DAB1: variants seen among roughly 807,000 people sequenced by gnomAD.
DAB1 encodes the protein disabled homolog 1.
Under a neutral mutation model 64.6 loss-of-function variants are expected in DAB1, and 15 were observed. The ratio of observed to expected loss-of-function variants is 0.23; its 90% CI spans 0.16 to 0.36. DAB1 has a LOEUF of 0.36. Ranked by LOEUF, DAB1 falls within the 10% of genes least tolerant of loss-of-function variation. The pLI is 1.00. For missense variants in DAB1, 596 were observed against 706.7 expected, an observed-to-expected ratio of 0.84 and a Z score of 1.78; for synonymous variants, 235 against 251.9, an observed-to-expected ratio of 0.93 and a Z score of 0.64.
rs756497114 is a variant in DAB1 at position 58,065,469 on chromosome 1, CTT to C, written n.387+85040_387+85041del. On this transcript the variant is annotated intron_variant and non_coding_transcript_variant, in intron 5 of 20. Transcript: ENST00000485760. ...TTAAAAAAGAGTCTAAAATAAAAGACTTATATTTTAGTAAAGGGAACTGGGTG... is the reference window on the plus strand; with the variant it reads ...TTAAAAAAGAGTCTAAAATAAAAGACATATTTTAGTAAAGGGAACTGGGTG... 1.4e-4 allele frequency among the ~76,000 whole-genome samples: 21 copies of C among 151,922 alleles called. No individual in the cohort carries two copies. In the East Asian group the frequency reaches 1.5e-3, roughly 11 times the overall value.
intron 3 of DAB1, among the ~76,000 whole-genome samples, chr1:58,343,892 A>T (rs1309540063): frequency 1.3e-5 from 2 of 152,206 alleles, no homozygotes; most frequent in East Asian, 3.8e-4. Context: ...ATTGCTGTTT[A>T]ACCTGTGTCC....
At chr1:57,586,116 G>GA (rs1204127492) in intron 7 of DAB1, among the ~76,000 whole-genome samples, 1 of 151,978 alleles carries the variant, frequency 6.6e-6, no homozygotes, top group Non-Finnish European at 1.5e-5. Flanking sequence ...TCTAGTGGGG[G>GA]AAAAAAAGCA....
chr1:57,995,824 G>GAA (rs1024751136), intron 5 of DAB1, among the ~76,000 whole-genome samples: 3 of 141,834 alleles, frequency 2.1e-5, no homozygotes, highest in Admixed American at 2.1e-4. Context: ...AGGTTTCTCA[G>GAA]AAAAAAAAAA....
At chr1:57,725,764 T>A (rs1321098239) in intron 6 of DAB1, among the ~76,000 whole-genome samples, 1 of 152,100 alleles carries the variant, frequency 6.6e-6, no homozygotes, top group East Asian at 1.9e-4. Context: ...TTTTCTTTTT[T>A]TTTTTGAGAC....
chr1:57,208,269 T>C (rs1665748680), intron 2 of DAB1, among the ~76,000 whole-genome samples: 1 of 152,232 alleles, frequency 6.6e-6, no homozygotes, highest in Admixed American at 6.5e-5. Context: ...CTCCCAAGTA[T>C]GTCAAGAACC....
chr1:58,229,089 C>T, intron 4 of DAB1: 1 of 245,690 alleles, frequency 4.1e-6, no homozygotes, highest in Non-Finnish European at 8.0e-6. Context: ...GCCTCAGCCT[C>T]CTCGGTACCT....
At chr1:57,746,205 G>C (rs1180232942) in intron 6 of DAB1, among the ~76,000 whole-genome samples, 2 of 152,112 alleles carry the variant, frequency 1.3e-5, no homozygotes, top group African/African-American at 4.8e-5. Flanking sequence ...GTGTGTGTAA[G>C]TATAAATAGG....
intron 3 of DAB1, among the ~76,000 whole-genome samples, chr1:58,493,042 G>C (rs1339094529): frequency 1.3e-5 from 2 of 152,136 alleles, no homozygotes; most frequent in African/African-American, 4.8e-5. Context: ...ACCAAATCCA[G>C]CAGCACATCG....
chr1:57,436,584 T>C (rs1276120397), intron 7 of DAB1, among the ~76,000 whole-genome samples: 1 of 152,196 alleles, frequency 6.6e-6, no homozygotes, highest in African/African-American at 2.4e-5. Flanking sequence ...AGATGTTCTG[T>C]GTTGTGCATG....
At chr1:58,167,405 G>C (rs1655907604) in intron 4 of DAB1, among the ~76,000 whole-genome samples, 2 of 152,216 alleles carry the variant, frequency 1.3e-5, no homozygotes, top group Admixed American at 1.3e-4. Flanking sequence ...CTAAAGGATT[G>C]TAAATGCACC....
At chr1:57,323,958 G>A (rs1398909655) in intron 1 of DAB1, among the ~76,000 whole-genome samples, 1 of 152,064 alleles carries the variant, frequency 6.6e-6, no homozygotes, top group Non-Finnish European at 1.5e-5. Context: ...TCTAATCTGA[G>A]AGCAACACAG....
intron 5 of DAB1, among the ~76,000 whole-genome samples, chr1:57,946,285 T>TA (rs1395172852): frequency 6.6e-6 from 1 of 152,194 alleles, no homozygotes; most frequent in Admixed American, 6.6e-5. Context: ...GGCAGACAAC[T>TA]AACTATACGT....
chr1:57,227,325 A>G (rs978235932), intron 2 of DAB1, among the ~76,000 whole-genome samples: 1 of 152,204 alleles, frequency 6.6e-6, no homozygotes, highest in African/African-American at 2.4e-5. Context: ...GCAGTATTCT[A>G]GGACTGGGGA....
intron 4 of DAB1, among the ~76,000 whole-genome samples, chr1:58,158,085 T>G (rs1655313847): frequency 6.6e-6 from 1 of 151,374 alleles, no homozygotes; most frequent in Non-Finnish European, 1.5e-5. Context: ...ATGCCAGTAT[T>G]CAAAAAGGTT....
At chr1:57,372,498 C>A (rs1680578358) in intron 1 of DAB1, among the ~76,000 whole-genome samples, 1 of 152,168 alleles carries the variant, frequency 6.6e-6, no homozygotes, top group African/African-American at 2.4e-5. Flanking sequence ...CATAAAGGAT[C>A]TGCTTATGAT....
intron 3 of DAB1, among the ~76,000 whole-genome samples, chr1:58,429,477 G>T (rs1644849508): frequency 6.6e-6 from 1 of 152,202 alleles, no homozygotes; most frequent in African/African-American, 2.4e-5. Flanking sequence ...AGTGAGATGT[G>T]CTGGAAGGCA....
chr1:57,690,652 T>C (rs1335341475), intron 6 of DAB1, among the ~76,000 whole-genome samples: 1 of 152,276 alleles, frequency 6.6e-6, no homozygotes, highest in Non-Finnish European at 1.5e-5. Context: ...CTAATATAGG[T>C]ATATACCCAG....
At chr1:57,399,809 G>T (rs543074611) in intron 1 of DAB1, among the ~76,000 whole-genome samples, 1 of 152,174 alleles carries the variant, frequency 6.6e-6, no homozygotes, top group Non-Finnish European at 1.5e-5. Flanking sequence ...AAAATCATAT[G>T]CATCAGCTCC....
At chr1:57,915,337 A>G (rs930898744) in intron 5 of DAB1, among the ~76,000 whole-genome samples, 4 of 152,154 alleles carry the variant, frequency 2.6e-5, no homozygotes, top group African/African-American at 9.7e-5. Context: ...ATATAGAGAG[A>G]TATTTCTCAG....
Sources: allele counts gnomAD v4.1 joint callset (sites outside exome capture counted in the v4.1 genomes callset), GRCh38; gene constraint gnomAD v4.1.1; transcripts MANE v1.5; gene names NCBI Gene and HGNC (gene_info 2026-07-23, HGNC 2026-07-21).